ACP3: variants seen among roughly 807,000 people sequenced by gnomAD.
ACP3 encodes prostatic acid phosphatase.
Under a neutral mutation model 45.6 loss-of-function variants are expected in ACP3, and 38 were observed. The observed-to-expected ratio is 0.83, with a 90% CI of 0.64 to 1.09. The LOEUF (loss-of-function observed/expected upper bound fraction) is 1.09, where lower values mean the gene tolerates loss of function less well. Among genes scored for constraint, ACP3 ranks in the 50% least tolerant of loss-of-function variants. The probability of loss-of-function intolerance (pLI) is 0.00; values close to 1 mark genes in which losing one functional copy is unlikely to be tolerated. For synonymous variants in ACP3, 162 were observed against 164.7 expected (o/e 0.98, Z 0.13); for missense variants, 466 against 463.2 (o/e 1.01, Z -0.05).
chr3:132,350,896 G>T (rs979951224), intron 8 of ACP3, among the ~76,000 whole-genome samples: 1 of 152,114 alleles, frequency 6.6e-6, no homozygotes, highest in Admixed American at 6.5e-5. Flanking sequence ...GGTGTAGAAA[G>T]CTTTTGTGAT....
chr3:132,339,218 T>C (rs1393177304), intron 5 of ACP3, among the ~76,000 whole-genome samples: 1 of 151,078 alleles, frequency 6.6e-6, no homozygotes, highest in Non-Finnish European at 1.5e-5. Context: ...AACATTTCTG[T>C]CTGTGATATT....
chr3:132,334,677 C>T (rs574588008), intron 4 of ACP3, among the ~76,000 whole-genome samples: 1 of 152,146 alleles, frequency 6.6e-6, no homozygotes, highest in East Asian at 1.9e-4. Flanking sequence ...ATGTAGAATG[C>T]CAGTTCTTCT....
rs1937593392 is a variant in ACP3, at chr3:132,345,011, T to A, written c.733T>A (p.Ser245Thr). The A allele has an allele frequency of 3.1e-6, 5 of 1,613,726 alleles. No homozygotes were observed. Among genetic ancestry groups the A allele is most frequent in the Non-Finnish European group, 1.7e-6 (2 of 1,179,888 alleles). Residue 245 changes from serine (S) to threonine (T), a missense_variant, in exon 7 of 10, where the codon TCC (serine) becomes ACC (threonine). Physicochemically the swap from Ser to Thr is moderately conservative, Grantham distance 58. Transcript: ENST00000336375. ...AGAATTGTCAGAATTGTCCCTCCTG[T>A]CCCTCTATGGAATTCACAAGCAGAA... ...LRELSELSLL[S>T]LYGIHKQKEK... is the part of the protein sequence containing the mutation.
chr3:132,366,234 G>A (rs1172685060), intron 10 of ACP3, among the ~76,000 whole-genome samples: 5 of 149,570 alleles, frequency 3.3e-5, no homozygotes, highest in African/African-American at 1.2e-4. Context: ...CTGGGCAGTC[G>A]AGGCTGCATG....
chr3:132,319,411 A>C (rs1937166098), intron 1 of ACP3, among the ~76,000 whole-genome samples: 1 of 152,228 alleles, frequency 6.6e-6, no homozygotes, highest in South Asian at 2.1e-4. Flanking sequence ...ACTGCAATTG[A>C]GTGCTTACAA....
chr3:132,331,412 C>T (rs1192993016), intron 2 of ACP3, among the ~76,000 whole-genome samples: 1 of 152,210 alleles, frequency 6.6e-6, no homozygotes, highest in East Asian at 1.9e-4. Flanking sequence ...ATGTGCAAGT[C>T]TCTATGTTAA....
At chr3:132,318,914 T>A (rs1457827119) in intron 1 of ACP3, among the ~76,000 whole-genome samples, 1 of 152,220 alleles carries the variant, frequency 6.6e-6, no homozygotes, top group Non-Finnish European at 1.5e-5. Flanking sequence ...CCAAGCTCAC[T>A]GTACATGATG....
chr3:132,337,514 T>C lies in ACP3; in HGVS notation c.515T>C (p.Leu172Ser). The C allele has an allele frequency of 1.9e-6, 3 of 1,611,546 alleles. No homozygotes were observed. The highest frequency in any genetic ancestry group is 1.3e-5 in the African/African-American group (1 of 75,038). Residue 172 changes from leucine to serine, a missense_variant, in exon 5 of 10, where the codon TTG becomes TCG. Physicochemically the swap from Leu to Ser is moderately radical, Grantham distance 145. Transcript: ENST00000336375. ...TTTCAAGAACTTGAGAGTGAGACTT[T>C]GAAATCAGAGGAATTCCAGAAGAGG... ...PRFQELESET[L>S]KSEEFQKRLH...
At chr3:132,347,432 G>C (rs896789884) in intron 7 of ACP3, among the ~76,000 whole-genome samples, 11 of 152,028 alleles carry the variant, frequency 7.2e-5, no homozygotes, top group Admixed American at 5.9e-4. Flanking sequence ...ACCTTTGCTA[G>C]TTTTTTTGTT....
At chr3:132,320,580 TAC>T (rs1242131390) in intron 1 of ACP3, among the ~76,000 whole-genome samples, 1 of 152,024 alleles carries the variant, frequency 6.6e-6, no homozygotes, top group African/African-American at 2.4e-5. Context: ...TTACAAGGTA[TAC>T]ACTCTTCTCA....
At position 132,347,844 on chromosome 3, in the gene ACP3, T is replaced by TACACACACACACACACACACACACAC. The variant is rs112045628; in HGVS notation, c.782-2073_782-2048dup. ...CACTGTTCAGTAAGACACACACACA[T>TACACACACACACACACACACACACAC]ACACACACACACACACACACACACA... On this transcript the variant is annotated intron_variant, in intron 7 of 9. Coordinates refer to ENST00000336375, the MANE Select transcript of ACP3 (RefSeq NM_001099.5). Among the ~76,000 whole-genome samples the TACACACACACACACACACACACACAC allele has an allele frequency of 1.6e-4, 23 of 144,906 alleles. 2 individuals carry two copies. Among genetic ancestry groups the TACACACACACACACACACACACACAC allele is most frequent in the African/African-American group, 6.0e-4 (23 of 38,406 alleles).
At chr3:132,349,429 C>T (rs1311790947) in intron 7 of ACP3, among the ~76,000 whole-genome samples, 1 of 152,138 alleles carries the variant, frequency 6.6e-6, no homozygotes, top group East Asian at 1.9e-4. Flanking sequence ...CATGGCCTCC[C>T]ACAGGTCTGA....
downstream of ACP3, among the ~76,000 whole-genome samples, chr3:132,363,071 G>A (rs1334153308): frequency 6.6e-6 from 1 of 151,794 alleles, no homozygotes; most frequent in Non-Finnish European, 1.5e-5. Context: ...CAGTACAAAG[G>A]AGCATATCAT....
intron 1 of ACP3, among the ~76,000 whole-genome samples, chr3:132,325,473 C>G (rs1302529899): frequency 1.3e-5 from 2 of 152,156 alleles, no homozygotes; most frequent in Non-Finnish European, 2.9e-5. Context: ...ACTTGTTTTT[C>G]TCTCTCAGGC....
chr3:132,319,706 A>C (rs1937170306), intron 1 of ACP3, among the ~76,000 whole-genome samples: 1 of 152,190 alleles, frequency 6.6e-6, no homozygotes, highest in Non-Finnish European at 1.5e-5. Context: ...ACACAGATGG[A>C]ATGGTGGAGA....
chr3:132,350,947 G>A (rs778865193), intron 8 of ACP3, among the ~76,000 whole-genome samples: 13 of 152,206 alleles, frequency 8.5e-5, no homozygotes, highest in African/African-American at 1.4e-4. Context: ...TTAGGGCAGC[G>A]GCAGGAGAGG....
chr3:132,348,480 C>T (rs1937643340), intron 7 of ACP3, among the ~76,000 whole-genome samples: 1 of 152,084 alleles, frequency 6.6e-6, no homozygotes, highest in Non-Finnish European at 1.5e-5. Flanking sequence ...CCTAATCACT[C>T]CTGGGATAAG....
chr3:132,354,396 G>T (rs1305710818), intron 9 of ACP3, among the ~76,000 whole-genome samples: 1 of 152,148 alleles, frequency 6.6e-6, no homozygotes, highest in Non-Finnish European at 1.5e-5. Context: ...CAAATCAAGT[G>T]TGGAGTATTT....
At chr3:132,326,744 CAGAAT>C in intron 1 of ACP3, among the ~76,000 whole-genome samples, 1 of 152,232 alleles carries the variant, frequency 6.6e-6, no homozygotes, top group South Asian at 2.1e-4. Context: ...TTCTGTTTTA[CAGAAT>C]TTCAAAAGAG....
Sources: gnomAD v4.1 joint callset for allele counts (sites outside exome capture counted in the v4.1 genomes callset) on GRCh38, gnomAD v4.1.1 for gene constraint, MANE v1.5 for transcripts, NCBI Gene and HGNC (gene_info 2026-07-23, HGNC 2026-07-21) for gene names.